FGD5: variants seen among roughly 807,000 people sequenced by gnomAD.
The protein encoded by FGD5 is FYVE, RhoGEF and PH domain-containing protein 5.
FGD5 carries 28 observed loss-of-function variants against 133.4 expected under a neutral mutation model. That is an observed-to-expected ratio of 0.21 (90% CI 0.16 to 0.29). FGD5 has a LOEUF of 0.29. Among genes scored for constraint, FGD5 ranks in the 10% least tolerant of loss-of-function variants. The pLI is 1.00. For synonymous variants in FGD5, 810 were observed against 776.5 expected (o/e 1.04, Z -0.72); for missense variants, 1,858 against 1,895.2 (o/e 0.98, Z 0.36).
chr3:14,839,610 T>A (rs868316254), intron 1 of FGD5, among the ~76,000 whole-genome samples: 1 of 152,162 alleles, frequency 6.6e-6, no homozygotes, highest in East Asian at 1.9e-4. Flanking sequence ...GAGAGAAATT[T>A]GGCAGTCCAT....
intron 1 of FGD5, among the ~76,000 whole-genome samples, chr3:14,860,611 T>C (rs2037379415): frequency 6.6e-6 from 1 of 152,172 alleles, no homozygotes; most frequent in Non-Finnish European, 1.5e-5. Context: ...TCTGTGCACC[T>C]CCAATATGAG....
At chr3:14,817,566 A>G (rs146564879), upstream of FGD5, among the ~76,000 whole-genome samples, 795 of 152,342 alleles carry the variant, frequency 5.2e-3, 4 homozygotes, top group African/African-American at 0.018. Context: ...TGTGGCTCAC[A>G]TTCCAGGGAC....
At position 14,885,214 on chromosome 3, in the gene FGD5, G is replaced by A. The variant is rs532222198; in HGVS notation, c.2748+4442G>A. On this transcript the variant is annotated intron_variant, in intron 4 of 19. Coordinates refer to ENST00000285046, the MANE Select transcript of FGD5 (RefSeq NM_152536.4). ...CAAAAGAGTATATTTGGAAGAAGGG[G>A]TCAGGGGGCACCTTGCCTCTAGTGG... Among the ~76,000 whole-genome samples, 5 of 151,818 alleles carry A rather than the reference G, an allele frequency of 3.3e-5. No homozygotes were observed. The East Asian group carries it at 7.8e-4, about 24-fold the overall frequency.
chr3:14,916,528 C>T (rs1170806861), intron 11 of FGD5, among the ~76,000 whole-genome samples: 3 of 152,198 alleles, frequency 2.0e-5, no homozygotes, highest in Admixed American at 1.3e-4. Flanking sequence ...AGGGTGTCTC[C>T]CAACCCTTCC....
intron 16 of FGD5, 51 bp downstream of exon 16, chr3:14,923,226 C>G: frequency 1.3e-6 from 2 of 1,573,488 alleles, no homozygotes; most frequent in Non-Finnish European, 1.7e-6. Context: ...GGCTTCTCCC[C>G]AGGCTCCAGT....
In FGD5 at chr3:14,934,063, A is replaced by G. The variant is rs2125167887; in HGVS notation, c.*896A>G. 1 of 152,308 alleles carries G rather than the reference A, an allele frequency of 6.6e-6. No individual in the cohort carries two copies. Among genetic ancestry groups the G allele is most frequent in the Non-Finnish European group, 1.5e-5 (1 of 68,034 alleles). The allele number at this position is 152,308 out of a possible 1,614,324, so 9.4% of individuals were successfully genotyped here. A position where few individuals can be genotyped will look rare whatever the true frequency, so the allele number is the denominator to read the frequency against. ...TGTTTACCTCACTCAAGCTGACAAC[A>G]TTGTTTATGGGAATCTATCCTTCTT... is the stretch of plus-strand genomic sequence containing the variant. On this transcript the variant is annotated 3_prime_UTR_variant, in exon 20 of 20. Transcript: ENST00000285046.
Position 14,917,509 on chromosome 3 carries a change from A to G in FGD5, c.3489+177A>G, listed in dbSNP as rs1401172882. Among the ~76,000 whole-genome samples, 1 of 151,882 alleles carries G rather than the reference A, an allele frequency of 6.6e-6. No homozygotes were observed. The highest frequency in any genetic ancestry group is 1.5e-5 in the Non-Finnish European group (1 of 67,978). On this transcript the variant is annotated intron_variant, in intron 12 of 19. Coordinates refer to ENST00000285046, the MANE Select transcript of FGD5 (RefSeq NM_152536.4). The surrounding 1 kb of genome is among the most constrained non-coding windows in gnomAD (Gnocchi z 4.1). ...AGTTGCCCAGGGAAAGGGGAGGGGG[A>G]TGGAGGGCTTCTTGGAAGAGGAGAC...
intron 2 of FGD5, among the ~76,000 whole-genome samples, chr3:14,870,577 G>C (rs1339874147): frequency 2.0e-5 from 3 of 152,152 alleles, no homozygotes. Context: ...GTGCAACTCT[G>C]TCAACTCTGC....
chr3:14,898,190 TG>T, intron 6 of FGD5, 95 bp downstream of exon 6: 5 of 1,520,352 alleles, frequency 3.3e-6, no homozygotes, highest in Non-Finnish European at 4.5e-6. Context: ...TCTTGGTAGG[TG>T]TGGGGCTGGG....
At chr3:14,837,655 C>T (rs2036843035) in intron 1 of FGD5, among the ~76,000 whole-genome samples, 1 of 152,100 alleles carries the variant, frequency 6.6e-6, no homozygotes, top group South Asian at 2.1e-4. Context: ...TATTTGCAGG[C>T]TTTCTGAATC....
In FGD5 at chr3:14,910,733, C is replaced by T. The variant is rs2038431940; in HGVS notation, c.3337-128C>T. On this transcript the variant is annotated intron_variant, in intron 10 of 19. Transcript: ENST00000285046. ...GGAGGCTTTATGATTTAAGTTTCCA[C>T]TCAGGGGCCTCCCCTGCACCCTTGT... The T allele has an allele frequency of 6.9e-6, 5 of 728,550 alleles. No homozygotes were observed. The South Asian group carries it at 9.0e-5, about 13-fold the overall frequency. 45.1% of individuals were successfully genotyped at this position (728,550 alleles called of 1,614,324 possible). A position where few individuals can be genotyped will look rare whatever the true frequency, so the allele number is the denominator to read the frequency against.
At chr3:14,854,024 A>G (rs535382233) in intron 1 of FGD5, among the ~76,000 whole-genome samples, 121 of 102,948 alleles carry the variant, frequency 1.2e-3, no homozygotes, top group African/African-American at 3.9e-3. Context: ...AGAGCTGGCC[A>G]GAAAGGACCT....
chr3:14,929,088 C>T (rs576257498), intron 18 of FGD5, among the ~76,000 whole-genome samples: 1 of 152,318 alleles, frequency 6.6e-6, no homozygotes, highest in South Asian at 2.1e-4. Flanking sequence ...AGTTTTGCCT[C>T]TTGATCCTCA....
chr3:14,877,697 A>G (rs1227524309), intron 2 of FGD5, among the ~76,000 whole-genome samples: 8 of 152,238 alleles, frequency 5.3e-5, no homozygotes, highest in Admixed American at 1.3e-4. Context: ...GCCTGAGTGC[A>G]GAGGGGCAAG....
chr3:14,837,201 C>T (rs1189457613), intron 1 of FGD5, among the ~76,000 whole-genome samples: 2 of 152,142 alleles, frequency 1.3e-5, no homozygotes, highest in South Asian at 2.1e-4. Context: ...TCTTTATTGG[C>T]GTGTCCCTGA....
At chr3:14,838,238 G>A (rs1361287603) in intron 1 of FGD5, among the ~76,000 whole-genome samples, 3 of 150,912 alleles carry the variant, frequency 2.0e-5, no homozygotes, top group African/African-American at 7.2e-5. Context: ...CAGTAATGGC[G>A]GGTTGTGAGT....
intron 1 of FGD5, among the ~76,000 whole-genome samples, chr3:14,822,202 AT>A (rs1162044203): frequency 3.3e-5 from 5 of 152,198 alleles, no homozygotes; most frequent in Non-Finnish European, 7.4e-5. Context: ...ATGTGAAAGC[AT>A]TTTTGTTTAC....
chr3:14,850,308 G>T (rs889545904), intron 1 of FGD5, among the ~76,000 whole-genome samples: 15 of 152,206 alleles, frequency 9.9e-5, no homozygotes, highest in African/African-American at 3.1e-4. Flanking sequence ...TGAACCTGTG[G>T]GAGAACCAGA....
intron 9 of FGD5, among the ~76,000 whole-genome samples, chr3:14,904,485 G>A (rs2038301057): frequency 6.9e-6 from 1 of 145,848 alleles, no homozygotes; most frequent in African/African-American, 2.6e-5. Flanking sequence ...TTCACATGGT[G>A]TCATCAATAT....
Sources: gnomAD v4.1 joint callset for allele counts (sites outside exome capture counted in the v4.1 genomes callset) on GRCh38, gnomAD v4.1.1 for gene constraint, Gnocchi (gnomAD v3.1) non-coding constraint, MANE v1.5 for transcripts, NCBI Gene and HGNC (gene_info 2026-07-23, HGNC 2026-07-21) for gene names.